DYDC1: variants seen among roughly 807,000 people sequenced by gnomAD.
DYDC1 encodes DPY30 domain-containing protein 1.
Under a neutral mutation model 27.9 loss-of-function variants are expected in DYDC1, and 21 were observed. That is an observed-to-expected ratio of 0.75 (90% CI 0.53 to 1.08). The LOEUF (loss-of-function observed/expected upper bound fraction) is 1.08, where lower values mean the gene tolerates loss of function less well. DYDC1 is among the 50% of genes least tolerant of loss of function. The probability of loss-of-function intolerance (pLI) is 0.00; values close to 1 mark genes in which losing one functional copy is unlikely to be tolerated. For synonymous variants in DYDC1, 67 were observed against 65.8 expected (o/e 1.02, Z -0.09); for missense variants, 202 against 205.9 (o/e 0.98, Z 0.12).
intron 3 of DYDC1, among the ~76,000 whole-genome samples, chr10:80,343,458 A>T (rs1050891585): frequency 3.3e-5 from 5 of 152,040 alleles, no homozygotes; most frequent in African/African-American, 4.8e-5. Context: ...TGTGACATTT[A>T]AAAAAATTAT....
chr10:80,347,419 C>T (rs1419430901), intron 3 of DYDC1, among the ~76,000 whole-genome samples: 1 of 150,664 alleles, frequency 6.6e-6, no homozygotes, highest in Admixed American at 6.7e-5. Context: ...TTTTGTTTTG[C>T]TGATTGTTTG....
intron 1 of DYDC1, among the ~76,000 whole-genome samples, chr10:80,355,581 A>C (rs1416761189): frequency 6.6e-6 from 1 of 152,160 alleles, no homozygotes; most frequent in Non-Finnish European, 1.5e-5. Context: ...GCACCATCTA[A>C]ATGTTCATCA....
At chr10:80,336,696 TTCC>T (rs1207010731) in intron 6 of DYDC1, among the ~76,000 whole-genome samples, 9 of 152,228 alleles carry the variant, frequency 5.9e-5, no homozygotes, top group African/African-American at 2.2e-4. Flanking sequence ...AAAAACCTGC[TTCC>T]TCTTATGTTC....
At chr10:80,352,660 A>AC in intron 1 of DYDC1, 50 bp from the exon 2 acceptor site, 4 of 1,548,842 alleles carry the variant, frequency 2.6e-6, no homozygotes, top group Non-Finnish European at 3.5e-6. Context: ...CAATAAAGTC[A>AC]CTATAAAACT....
intron 3 of DYDC1, among the ~76,000 whole-genome samples, chr10:80,346,152 A>T (rs891680616): frequency 6.6e-6 from 1 of 151,944 alleles, no homozygotes; most frequent in African/African-American, 2.4e-5. Flanking sequence ...TCAGCTCACA[A>T]TTTCTTTATC....
At chr10:80,348,934 C>G (rs1842824255) in intron 3 of DYDC1, among the ~76,000 whole-genome samples, 1 of 152,158 alleles carries the variant, frequency 6.6e-6, no homozygotes, top group Non-Finnish European at 1.5e-5. Flanking sequence ...CTCTGTCGCC[C>G]AGGCTGGACT....
intron 3 of DYDC1, among the ~76,000 whole-genome samples, chr10:80,350,773 G>A (rs1020946295): frequency 6.6e-6 from 1 of 152,088 alleles, no homozygotes; most frequent in African/African-American, 2.4e-5. Context: ...CTATGGAAGT[G>A]GCTTAAATTT....
At chr10:80,348,852 G>A (rs1296269399) in intron 3 of DYDC1, among the ~76,000 whole-genome samples, 3 of 152,150 alleles carry the variant, frequency 2.0e-5, no homozygotes, top group Non-Finnish European at 4.4e-5. Context: ...CATTTTCAAG[G>A]ATGAAATGCA....
chr10:80,347,276 CTTTTTTT>C (rs556362145), intron 3 of DYDC1, among the ~76,000 whole-genome samples: 43,406 of 89,888 alleles, frequency 0.48, 11,657 homozygotes, highest in East Asian at 0.76. Context: ...AATTGGGATC[CTTTTTTT>C]TTTTTTTTTT....
In DYDC1 at chr10:80,352,445, T is replaced by C. The variant is rs745829538; in HGVS notation, c.147+10A>G. The C allele has an allele frequency of 1.3e-6, 2 of 1,576,684 alleles. No homozygotes were observed. The highest frequency in any genetic ancestry group is 1.7e-6 in the Non-Finnish European group (2 of 1,165,262). ...TTCTTCTAATTTCCTAGAAGGAGAT[T>C]CCTACTTACCAGTTGTTCCATGGTC... On this transcript the variant is annotated intron_variant, in intron 2 of 6. Transcript: ENST00000372202.
chr10:80,352,029 AC>A (rs1475903719), intron 2 of DYDC1, 27 bp from the exon 3 acceptor site: 1 of 1,605,586 alleles, frequency 6.2e-7, no homozygotes, highest in East Asian at 2.2e-5. Context: ...ACAACAGCAC[AC>A]GACTTCTTAG....
chr10:80,355,986 T>TAAAAA (rs370903702), intron 1 of DYDC1, among the ~76,000 whole-genome samples: 4 of 118,890 alleles, frequency 3.4e-5, no homozygotes, highest in Admixed American at 2.5e-4. Context: ...GAAGTGAAGT[T>TAAAAA]AAAAAAAAAA....
At chr10:80,346,239 T>G (rs1842614113) in intron 3 of DYDC1, among the ~76,000 whole-genome samples, 1 of 152,114 alleles carries the variant, frequency 6.6e-6, no homozygotes, top group South Asian at 2.1e-4. Context: ...GACATGGGAG[T>G]GCAAGTAGTC....
chr10:80,337,148 G>A, intron 6 of DYDC1: 1 of 985,368 alleles, frequency 1.0e-6, no homozygotes, highest in African/African-American at 1.7e-5. Context: ...TCTTTCCTCT[G>A]GGCTCATCTC....
intron 3 of DYDC1, among the ~76,000 whole-genome samples, chr10:80,346,433 C>G (rs1322202001): frequency 8.2e-6 from 1 of 122,428 alleles, no homozygotes; most frequent in Non-Finnish European, 1.6e-5. Context: ...CAATGTGTGT[C>G]TCTTCCCTTT....
At chr10:80,354,121 TAA>T (rs373127565) in intron 1 of DYDC1, among the ~76,000 whole-genome samples, 17 of 143,968 alleles carry the variant, frequency 1.2e-4, no homozygotes, top group South Asian at 2.2e-4. Flanking sequence ...GTCTCATATA[TAA>T]AAAAAAATAT....
chr10:80,336,219 T>TA (rs1468940295), intron 6 of DYDC1, 34 bp from the exon 7 acceptor site: 1 of 1,560,274 alleles, frequency 6.4e-7, no homozygotes, highest in East Asian at 2.3e-5. Context: ...TATTCCTTAA[T>TA]ACAATTAGAA....
chr10:80,340,766 A>G (rs1842293111), intron 4 of DYDC1, among the ~76,000 whole-genome samples: 1 of 152,210 alleles, frequency 6.6e-6, no homozygotes. Flanking sequence ...TGATACAAGC[A>G]TACAATATGT....
intron 3 of DYDC1, among the ~76,000 whole-genome samples, 154 bp from the exon 4 acceptor site, chr10:80,342,515 A>C (rs1842369272): frequency 6.6e-6 from 1 of 152,272 alleles, no homozygotes; most frequent in African/African-American, 2.4e-5. Context: ...AATTTTTAAA[A>C]AAGATTTTAA....
Sources: allele counts gnomAD v4.1 joint callset (sites outside exome capture counted in the v4.1 genomes callset), GRCh38; gene constraint gnomAD v4.1.1; transcripts MANE v1.5; gene names NCBI Gene and HGNC (gene_info 2026-07-23, HGNC 2026-07-21).